DCDC1: variants seen among roughly 807,000 people sequenced by gnomAD.
DCDC1 encodes doublecortin domain-containing protein 1.
A neutral mutation model predicts 178.3 loss-of-function variants in DCDC1; 200 were observed. The observed-to-expected ratio is 1.12, with a 90% CI of 1.00 to 1.26. The LOEUF (loss-of-function observed/expected upper bound fraction) is 1.26. DCDC1 is among the 50% of genes most tolerant of loss of function. DCDC1 has a pLI of 0.00. For synonymous variants in DCDC1, 690 were observed against 604.8 expected (o/e 1.14, Z -2.07); for missense variants, 1,983 against 1,749.2 (o/e 1.13, Z -2.38).
intron 36 of DCDC1, among the ~76,000 whole-genome samples, chr11:30,889,283 A>G (rs574085970): frequency 4.6e-5 from 7 of 152,348 alleles, no homozygotes; most frequent in African/African-American, 1.4e-4. Context: ...AGATGAGAGT[A>G]AGTCTAGCAA....
intron 9 of DCDC1, among the ~76,000 whole-genome samples, chr11:31,157,033 T>G (rs1051506624): frequency 1.3e-5 from 2 of 152,156 alleles, no homozygotes; most frequent in African/African-American, 4.8e-5. Flanking sequence ...AAAATAAGTT[T>G]ACCCACTTAG....
chr11:31,190,921 C>T (rs158141), intron 9 of DCDC1, among the ~76,000 whole-genome samples: 1 of 151,708 alleles, frequency 6.6e-6, no homozygotes, highest in Non-Finnish European at 1.5e-5. Flanking sequence ...GTCATCCCTT[C>T]GTATTCATGG....
chr11:31,011,799 A>G (rs1201458749), intron 20 of DCDC1, among the ~76,000 whole-genome samples: 7 of 152,274 alleles, frequency 4.6e-5, no homozygotes, highest in Admixed American at 3.3e-4. Context: ...AAAATTATTC[A>G]GTAAGTAAAA....
intron 10 of DCDC1, among the ~76,000 whole-genome samples, chr11:31,135,601 G>C (rs1379837577): frequency 1.3e-5 from 2 of 151,978 alleles, no homozygotes; most frequent in African/African-American, 4.8e-5. Flanking sequence ...CAGAGGCTAT[G>C]GAATATATTT....
chr11:31,173,972 C>A (rs184216704), intron 9 of DCDC1, among the ~76,000 whole-genome samples: 8 of 152,250 alleles, frequency 5.3e-5, no homozygotes, highest in African/African-American at 1.9e-4. Flanking sequence ...CTGGGGTTGC[C>A]CACTCCAAAG....
At position 31,102,194 on chromosome 11, in the gene DCDC1, G is replaced by C. The variant is rs767004304; in HGVS notation, c.1966C>G (p.His656Asp). The change falls in exon 15 of 39, where the codon CAT becomes GAT. Residue 656 changes from histidine (H) to aspartate (D), a missense_variant. His to Asp is a moderately conservative substitution (Grantham distance 81). Transcript: ENST00000684477. ...AATCCCACCTTGTTCTGTAGAAAAT[G>C]GTTCTCCAAGTCCACCTTTTCAAAC... ...DQFEKVDLENHFLQNKVDPNI... is the reference protein window; with the variant it reads ...DQFEKVDLENDFLQNKVDPNI... 1.4e-6 allele frequency: 1 copy of C among 721,392 alleles called. No individual in the cohort carries two copies. The highest frequency in any genetic ancestry group is 1.8e-5 in the Admixed American group (1 of 56,178). 44.7% of individuals were successfully genotyped at this position (721,392 alleles called of 1,614,324 possible). A position where few individuals can be genotyped will look rare whatever the true frequency, so the allele number is the denominator to read the frequency against.
intron 10 of DCDC1, among the ~76,000 whole-genome samples, chr11:31,133,511 A>C (rs1352790517): frequency 6.6e-6 from 1 of 152,198 alleles, no homozygotes; most frequent in African/African-American, 2.4e-5. Context: ...ACAATGTTTT[A>C]AGCGGTAAGA....
chr11:31,006,374 G>A (rs1362798694), intron 20 of DCDC1, among the ~76,000 whole-genome samples: 2 of 152,106 alleles, frequency 1.3e-5, no homozygotes, highest in Non-Finnish European at 2.9e-5. Context: ...GATTCCCATA[G>A]AGAACACATT....
intron 20 of DCDC1, among the ~76,000 whole-genome samples, chr11:30,991,603 G>A (rs377181843): frequency 6.6e-6 from 1 of 151,900 alleles, no homozygotes. Flanking sequence ...TACTCTAAAC[G>A]TAACTACACC....
chr11:30,888,116 AAGAAAG>A (rs1565030023), intron 36 of DCDC1, among the ~76,000 whole-genome samples: 26 of 143,218 alleles, frequency 1.8e-4, no homozygotes, highest in African/African-American at 3.0e-4. Flanking sequence ...GAAAGAAAGA[AAGAAAG>A]AAAGAAAGAA....
In DCDC1 at chr11:30,894,379, G is replaced by A. The variant is rs768124594; in HGVS notation, c.4771C>T (p.Arg1591Ter). The A allele has an allele frequency of 2.0e-5, 32 of 1,611,260 alleles. No homozygotes were observed. Among genetic ancestry groups the A allele is most frequent in the African/African-American group, 4.0e-5 (3 of 74,712 alleles). The change falls in exon 35 of 39, where the codon CGA becomes TGA. Residue 1591 changes from arginine (R) to a stop codon, truncating the protein, a stop_gained. Coordinates refer to ENST00000684477, the MANE Select transcript of DCDC1 (RefSeq NM_001387274.1). LOFTEE classifies it high-confidence loss of function. ...RHKMRQLKGR[R>*]VAACQPATMV... is the part of the protein sequence containing the mutation. ...GTGGCTGGCTGACATGCCGCTACTCGCCGCCCTGAGGAAACAAGTCTCTAG... is the reference window on the plus strand; with the variant it reads ...GTGGCTGGCTGACATGCCGCTACTCACCGCCCTGAGGAAACAAGTCTCTAG...
chr11:31,131,285 G>C (rs974984961), intron 10 of DCDC1, among the ~76,000 whole-genome samples: 4 of 151,926 alleles, frequency 2.6e-5, no homozygotes, highest in Non-Finnish European at 5.9e-5. Context: ...GAAATGAGAA[G>C]GGAAGAAAGA....
chr11:31,257,693 A>AC (rs1944502521), intron 8 of DCDC1, among the ~76,000 whole-genome samples: 2 of 143,870 alleles, frequency 1.4e-5, no homozygotes, highest in African/African-American at 5.1e-5. Flanking sequence ...CAGATAGGAA[A>AC]ACACACACAC....
chr11:30,900,533 A>G, intron 32 of DCDC1, 35 bp from the exon 33 acceptor site: 3 of 1,429,588 alleles, frequency 2.1e-6, no homozygotes, highest in Admixed American at 5.3e-5. Context: ...TCATTGTTCA[A>G]CGAATAATGA....
At chr11:31,167,672 C>T (rs149606605) in intron 9 of DCDC1, among the ~76,000 whole-genome samples, 3 of 152,246 alleles carry the variant, frequency 2.0e-5, no homozygotes, top group Non-Finnish European at 4.4e-5. Flanking sequence ...GACTCCTGAT[C>T]ACATTTATTT....
Position 31,094,114 on chromosome 11 carries a change from C to A in DCDC1, c.2054G>T (p.Ser685Ile), listed in dbSNP as rs376728280. 1 of 766,242 alleles carries A rather than the reference C, an allele frequency of 1.3e-6. No homozygotes were observed. Among genetic ancestry groups the A allele is most frequent in the South Asian group, 1.3e-5 (1 of 74,618 alleles). 47.5% of individuals were successfully genotyped at this position (766,242 alleles called of 1,614,324 possible). The part of the protein sequence containing the change: ...GKWSFSGSEA[S>I]SRSQIAPSIL... ...CGATGGCGCTATTTGACTCCTGCTG[C>A]TTGCTTCACTGCCTGAGAAACTCCA... is the stretch of plus-strand genomic sequence containing the variant. Residue 685 changes from serine to isoleucine, a missense_variant, in exon 16 of 39, where the codon AGC (serine) becomes ATC (isoleucine). Physicochemically the swap from Ser to Ile is moderately radical, Grantham distance 142. Coordinates refer to ENST00000684477, the MANE Select transcript of DCDC1 (RefSeq NM_001387274.1).
At chr11:30,917,746 G>A (rs1590356089) in intron 25 of DCDC1, among the ~76,000 whole-genome samples, 1 of 152,136 alleles carries the variant, frequency 6.6e-6, no homozygotes, top group South Asian at 2.1e-4. Flanking sequence ...ACTGAGGAAG[G>A]ATAAATATAC....
At chr11:31,018,096 T>C (rs1054187341) in intron 20 of DCDC1, among the ~76,000 whole-genome samples, 3 of 151,736 alleles carry the variant, frequency 2.0e-5, no homozygotes, top group Non-Finnish European at 2.9e-5. Flanking sequence ...AAAAAAAAAA[T>C]ATGTATACAT....
intron 22 of DCDC1, among the ~76,000 whole-genome samples, chr11:30,928,731 C>T (rs1452084052): frequency 4.0e-5 from 3 of 75,056 alleles, no homozygotes; most frequent in Non-Finnish European, 8.6e-5. Context: ...CATAACATGA[C>T]ATGTTATTAC....
Sources: allele counts gnomAD v4.1 joint callset (sites outside exome capture counted in the v4.1 genomes callset), GRCh38; gene constraint gnomAD v4.1.1; transcripts MANE v1.5; gene names NCBI Gene and HGNC (gene_info 2026-07-23, HGNC 2026-07-21).